The following SRRT variants were observed in gnomAD, a reference collection of about 807,000 sequenced individuals.
SRRT encodes serrate RNA effector molecule homolog.
Under a neutral mutation model 103.2 loss-of-function variants are expected in SRRT, and 32 were observed. The ratio of observed to expected loss-of-function variants is 0.31; its 90% CI spans 0.23 to 0.42. SRRT has a LOEUF of 0.42. SRRT is among the 10% of genes least tolerant of loss of function. The pLI, the probability that SRRT is intolerant of heterozygous loss-of-function variation, is 1.00. For missense variants in SRRT, 986 were observed against 1,207.5 expected (o/e 0.82, Z 2.72); for synonymous variants, 525 against 449.0 (o/e 1.17, Z -2.14).
intron 12 of SRRT, 99 bp from the exon 13 acceptor site, chr7:100,886,148 G>C (rs910067617): frequency 2.1e-6 from 3 of 1,417,416 alleles, no homozygotes; most frequent in African/African-American, 2.8e-5. Flanking sequence ...CTCGCAGTCT[G>C]ATCAATCGCT....
At chr7:100,875,850 G>C (rs1029179047) in intron 2 of SRRT, 138 bp downstream of exon 2, 4 of 1,123,066 alleles carry the variant, frequency 3.6e-6, no homozygotes, top group Non-Finnish European at 5.1e-6. Context: ...CTGTGGTTCA[G>C]CCTATTTGCT....
rs1335285042 is a variant in SRRT at position 100,887,035 on chromosome 7, C to T, written c.1822-12C>T. The T allele has an allele frequency of 2.5e-6, 4 of 1,613,484 alleles. No homozygotes were observed. The highest frequency in any genetic ancestry group is 3.3e-5 in the Admixed American group (2 of 59,992). ...AGGGCAGGAGCTGAACGCTCGCATT[C>T]ACTTCCCTTAGGTCTTGGACAAGCT... On this transcript the variant is annotated splice_polypyrimidine_tract_variant and intron_variant, in intron 14 of 19. Transcript: ENST00000611405. The surrounding 1 kb of genome is among the most constrained non-coding windows in gnomAD (Gnocchi z 4.1).
In SRRT at chr7:100,888,646, T is replaced by C; in HGVS notation, c.*97T>C. ...TTTGTACGATCAGCCTTACTGCTAATAAAAGCACTTCCACAGGGCTCCTGA... is the reference window on the plus strand; with the variant it reads ...TTTGTACGATCAGCCTTACTGCTAACAAAAGCACTTCCACAGGGCTCCTGA... On this transcript the variant is annotated 3_prime_UTR_variant, in exon 20 of 20. Coordinates refer to ENST00000611405, the MANE Select transcript of SRRT (RefSeq NM_015908.6). 2.0e-6 allele frequency: 3 copies of C among 1,519,908 alleles called. No individual in the cohort carries two copies. The highest frequency in any genetic ancestry group is 1.1e-5 in the South Asian group (1 of 88,562). The allele number at this position is 1,519,908 out of a possible 1,614,324, so 94.2% of individuals were successfully genotyped here.
At chr7:100,886,201 C>A in intron 12 of SRRT, 46 bp from the exon 13 acceptor site, 1 of 1,581,278 alleles carries the variant, frequency 6.3e-7, no homozygotes. Flanking sequence ...GTTTCTCTGG[C>A]AAGCGGGGTA....
chr7:100,879,396 C>T (rs1008764033), intron 2 of SRRT, among the ~76,000 whole-genome samples: 2 of 152,118 alleles, frequency 1.3e-5, no homozygotes, highest in Non-Finnish European at 2.9e-5. Flanking sequence ...AGCCACCATG[C>T]CCGGCCTGCC....
chr7:100,877,773 A>T (rs1260022963), intron 2 of SRRT, among the ~76,000 whole-genome samples: 4 of 151,986 alleles, frequency 2.6e-5, no homozygotes, highest in Non-Finnish European at 5.9e-5. Flanking sequence ...ACCTGCTTCG[A>T]CCTCTCAAAG....
chr7:100,875,797 T>A, intron 2 of SRRT, 85 bp downstream of exon 2: 1 of 1,547,646 alleles, frequency 6.5e-7, no homozygotes, highest in Non-Finnish European at 8.9e-7. Flanking sequence ...CCTTGTAATT[T>A]TTATGAGGGC....
Position 100,885,800 on chromosome 7 carries a change from G to A in SRRT, c.1379+38G>A, listed in dbSNP as rs1226968189. 1 of 1,613,726 alleles carries A rather than the reference G, an allele frequency of 6.2e-7. No individual in the cohort carries two copies. The highest frequency in any genetic ancestry group is 1.1e-5 in the South Asian group (1 of 91,080). On this transcript the variant is annotated intron_variant, in intron 11 of 19. Coordinates refer to ENST00000611405, the MANE Select transcript of SRRT (RefSeq NM_015908.6). The surrounding 1 kb of genome is among the most constrained non-coding windows in gnomAD (Gnocchi z 4.8). The stretch of plus-strand genomic sequence containing the variant: ...GTGCGTTGGAGGGAAAAGTGCAGGG[G>A]AACGTTAATGGCCAACACCAACTCC...
Position 100,888,345 on chromosome 7 carries a change from C to T in SRRT, c.2517C>T (p.Phe839=). Reference sequence around the variant, plus strand: ...CTGGTCGAGGGAACTATGATGCCTTCCGAGGCCAGGGAGGTTATCCTGGGA... The same window carrying T: ...CTGGTCGAGGGAACTATGATGCCTTTCGAGGCCAGGGAGGTTATCCTGGGA... The part of the protein sequence containing the change: ...YGAGRGNYDA[F]RGQGGYPGKP... The change falls in exon 19 of 20, where the codon TTC becomes TTT. Residue 839 remains phenylalanine (F), a synonymous_variant. Transcript: ENST00000611405. The T allele has an allele frequency of 6.2e-7, 1 of 1,614,102 alleles. No individual in the cohort carries two copies. Among genetic ancestry groups the T allele is most frequent in the Non-Finnish European group, 8.5e-7 (1 of 1,179,974 alleles).
At chr7:100,886,161 T>G in intron 12 of SRRT, 86 bp from the exon 13 acceptor site, 21 of 1,460,284 alleles carry the variant, frequency 1.4e-5, no homozygotes, top group Non-Finnish European at 2.0e-5. Flanking sequence ...CAATCGCTGG[T>G]GCTCAAGAGG....
rs1226021260 is a variant in SRRT at position 100,882,233 on chromosome 7, T to C, written c.579T>C (p.Asp193=). Residue 193 remains aspartate (D), a synonymous_variant, in exon 5 of 20, where the codon GAT becomes GAC. Coordinates refer to ENST00000611405, the MANE Select transcript of SRRT (RefSeq NM_015908.6). This position sits in a 1 kb window ranked among gnomAD's most constrained non-coding sequence, Gnocchi z 4.2. ...QMQDFFLAHK[D]EEWFRSKYHP... Reference sequence around the variant, plus strand: ...AGGATTTCTTCCTGGCGCACAAAGATGAGGAGTGGTGAGTGCCCCTACTTC... The same window carrying C: ...AGGATTTCTTCCTGGCGCACAAAGACGAGGAGTGGTGAGTGCCCCTACTTC... The C allele has an allele frequency of 1.2e-6, 2 of 1,613,700 alleles. No homozygotes were observed. Among genetic ancestry groups the C allele is most frequent in the African/African-American group, 2.7e-5 (2 of 74,914 alleles).
At position 100,875,705 on chromosome 7, in the gene SRRT, A is replaced by G. The variant is rs1237730433; in HGVS notation, c.115A>G (p.Asn39Asp). ...RDERRRGDDW[N>D]DREWDRGRER... Reference sequence around the variant, plus strand: ...TGAAAGACGTCGAGGGGACGATTGGAATGACAGGTGAGCCGTTTTTAACTT... The same window carrying G: ...TGAAAGACGTCGAGGGGACGATTGGGATGACAGGTGAGCCGTTTTTAACTT... The change falls in exon 2 of 20, where the codon AAT becomes GAT. Residue 39 changes from asparagine (N) to aspartate (D), a missense_variant. Coordinates refer to ENST00000611405, the MANE Select transcript of SRRT (RefSeq NM_015908.6). 1 of 1,613,866 alleles carries G rather than the reference A, an allele frequency of 6.2e-7. No individual in the cohort carries two copies. The highest frequency in any genetic ancestry group is 1.1e-5 in the South Asian group (1 of 91,066).
In SRRT at chr7:100,888,067, A is replaced by T. The variant is rs1010301297; in HGVS notation, c.2352A>T (p.Gly784=). ...TACTCCCCCCAGGTTTGACCCCAGG[A>T]CTCCCCTACCCACACCAGACTCCCC... The part of the protein sequence containing the change: ...AQILPPGLTP[G]LPYPHQTPQG... Residue 784 remains glycine (G), a synonymous_variant, in exon 18 of 20, where the codon GGA becomes GGT. Coordinates refer to ENST00000611405, the MANE Select transcript of SRRT (RefSeq NM_015908.6). 8.3e-6 allele frequency: 13 copies of T among 1,561,174 alleles called. No individual in the cohort carries two copies. Among genetic ancestry groups the T allele is most frequent in the Non-Finnish European group, 6.0e-6 (7 of 1,158,726 alleles).
rs772575044 is a variant in SRRT at position 100,884,822 on chromosome 7, AG to A, written c.1026del (p.Lys343ArgfsTer125). 2 of 1,614,102 alleles carry A rather than the reference AG, an allele frequency of 1.2e-6. No homozygotes were observed. The highest frequency in any genetic ancestry group is 1.7e-6 in the Non-Finnish European group (2 of 1,180,000). On this transcript the variant is annotated frameshift_variant, in exon 8 of 20. Coordinates refer to ENST00000611405, the MANE Select transcript of SRRT (RefSeq NM_015908.6). LOFTEE classifies it high-confidence loss of function. ...AAGGAAGAGAAGAAAGAAGACTCCG[AG>A]AAGGAAGCCAAAAAGGTGAGGTGTC... ...GDKEEKKEDSEKEAKKSSKKR... is the reference protein window; with the variant it reads ...GDKEEKKEDSXKEAKKSSKKR...
intron 2 of SRRT, among the ~76,000 whole-genome samples, chr7:100,876,544 G>C (rs1374971746): frequency 3.3e-5 from 5 of 152,108 alleles, no homozygotes; most frequent in Non-Finnish European, 7.3e-5. Flanking sequence ...ATAATATAGA[G>C]TTGATCTGAC....
Position 100,887,212 on chromosome 7 carries a change from G to T in SRRT, c.1975+12G>T. 1.2e-6 allele frequency: 2 copies of T among 1,613,978 alleles called. No homozygotes were observed. The highest frequency in any genetic ancestry group is 1.7e-6 in the Non-Finnish European group (2 of 1,179,882). On this transcript the variant is annotated intron_variant, in intron 15 of 19. Coordinates refer to ENST00000611405, the MANE Select transcript of SRRT (RefSeq NM_015908.6). The surrounding 1 kb of genome is among the most constrained non-coding windows in gnomAD (Gnocchi z 4.1). ...CAGTCACGGGGAAGGTGAGCTCCAG[G>T]TTCCCCTTTGTTCCCGGCTGCCCCT...
intron 2 of SRRT, chr7:100,880,814 C>A: frequency 3.1e-6 from 1 of 324,266 alleles, no homozygotes; most frequent in Non-Finnish European, 6.3e-6. Flanking sequence ...GTCTGGAGCA[C>A]AGGCGGAAGG....
intron 2 of SRRT, among the ~76,000 whole-genome samples, chr7:100,880,291 G>T (rs1189682531): frequency 1.3e-5 from 2 of 152,100 alleles, no homozygotes; most frequent in Non-Finnish European, 2.9e-5. Context: ...GGATGAATAG[G>T]CTTGATTCTT....
At chr7:100,880,794 AT>A in intron 2 of SRRT, 1 of 349,862 alleles carries the variant, frequency 2.9e-6, no homozygotes, top group Non-Finnish European at 5.9e-6. Flanking sequence ...AGCAGGGGTG[AT>A]TCATGTGGGT....
Sources: allele counts gnomAD v4.1 joint callset (sites outside exome capture counted in the v4.1 genomes callset), GRCh38; gene constraint gnomAD v4.1.1; non-coding constraint Gnocchi (gnomAD v3.1); transcripts MANE v1.5; gene names NCBI Gene and HGNC (gene_info 2026-07-23, HGNC 2026-07-21).